The following PTPRD variants were observed in gnomAD, a reference collection of about 807,000 sequenced individuals.
PTPRD encodes receptor-type tyrosine-protein phosphatase delta.
A neutral mutation model predicts 214.5 loss-of-function variants in PTPRD; 34 were observed. The observed-to-expected ratio is 0.16, with a 90% CI of 0.12 to 0.21. PTPRD has a LOEUF of 0.21. Among genes scored for constraint, PTPRD ranks in the 10% least tolerant of loss-of-function variants. The pLI is 1.00. For synonymous variants in PTPRD, 1,128 were observed against 845.7 expected, an observed-to-expected ratio of 1.33 and a Z score of -5.79; for missense variants, 2,545 against 2,398.7, an observed-to-expected ratio of 1.06 and a Z score of -1.27.
At chr9:8,998,675 T>C (rs2099406324) in intron 11 of PTPRD, among the ~76,000 whole-genome samples, 1 of 152,068 alleles carries the variant, frequency 6.6e-6, no homozygotes, top group Non-Finnish European at 1.5e-5. Flanking sequence ...AATAAACACA[T>C]TTTATAAGGC....
At chr9:8,713,531 G>C in intron 12 of PTPRD, 1 of 1,252,374 alleles carries the variant, frequency 8.0e-7, no homozygotes, top group East Asian at 2.3e-5. Context: ...TCCCCGCTGC[G>C]GGTGAAGAAC....
chr9:9,404,365 T>C (rs933593025), intron 8 of PTPRD, among the ~76,000 whole-genome samples: 4 of 152,096 alleles, frequency 2.6e-5, no homozygotes, highest in African/African-American at 9.7e-5. Flanking sequence ...AAAGTGTAGC[T>C]GGAGATGGAG....
chr9:8,492,871 T>A lies in PTPRD; in HGVS notation c.2458A>T (p.Thr820Ser). ...ARSKPKLVST[T>S]GAVPGKPRLV... ...GCACAGACATGATTACCTGCCCCAGTGGTGGACACCAGTTTGGGCTTGCTG... is the reference window on the plus strand; with the variant it reads ...GCACAGACATGATTACCTGCCCCAGAGGTGGACACCAGTTTGGGCTTGCTG... The change falls in exon 27 of 46, where the codon ACT (threonine) becomes TCT (serine). Residue 820 changes from threonine to serine, a missense_variant. Transcript: ENST00000381196. 1 of 1,613,008 alleles carries A rather than the reference T, an allele frequency of 6.2e-7. No homozygotes were observed. Among genetic ancestry groups the A allele is most frequent in the East Asian group, 2.2e-5 (1 of 44,868 alleles).
intron 4 of PTPRD, among the ~76,000 whole-genome samples, chr9:9,987,908 A>G (rs142054552): frequency 0.011 from 1,622 of 152,290 alleles, 37 homozygotes; most frequent in African/African-American, 0.037. Context: ...ATTTACTATT[A>G]CAAGTAATAA....
intron 3 of PTPRD, among the ~76,000 whole-genome samples, chr9:10,229,822 T>C (rs962718007): frequency 6.6e-6 from 1 of 151,814 alleles, no homozygotes; most frequent in South Asian, 2.1e-4. Flanking sequence ...CTGCACGTTA[T>C]GCACATGTAC....
intron 11 of PTPRD, among the ~76,000 whole-genome samples, chr9:8,886,159 T>C (rs538041043): frequency 6.6e-6 from 1 of 152,324 alleles, no homozygotes; most frequent in South Asian, 2.1e-4. Flanking sequence ...GATTTGTTCA[T>C]AAGCCAGACA....
chr9:10,610,569 G>C (rs897721725), intron 2 of PTPRD, among the ~76,000 whole-genome samples: 3 of 151,748 alleles, frequency 2.0e-5, no homozygotes, highest in African/African-American at 7.3e-5. Flanking sequence ...AATGAGTAGA[G>C]GTTATGTGCT....
intron 11 of PTPRD, among the ~76,000 whole-genome samples, chr9:8,915,741 T>A (rs1339117872): frequency 6.6e-6 from 1 of 152,108 alleles, no homozygotes; most frequent in Non-Finnish European, 1.5e-5. Context: ...AGGAAAAAAT[T>A]TCCTCTTAGT....
At chr9:8,942,218 C>A (rs2099038466) in intron 11 of PTPRD, among the ~76,000 whole-genome samples, 1 of 151,870 alleles carries the variant, frequency 6.6e-6, no homozygotes, top group South Asian at 2.1e-4. Flanking sequence ...TTTTTTTGCC[C>A]CCCTGTCTAT....
rs576271656 is a variant in PTPRD, at chr9:9,717,123, C to T, written c.-287+17410G>A. Among the ~76,000 whole-genome samples, 139 of 152,138 alleles carry T rather than the reference C, an allele frequency of 9.1e-4. 1 individual carries two copies. Among genetic ancestry groups the T allele is most frequent in the Non-Finnish European group, 1.7e-3 (114 of 67,980 alleles). ...TAAATAGGGAATCCTTTCCCCATTG[C>T]TTGTTTTTGTCAGGTTTGTCAAAGA... On this transcript the variant is annotated intron_variant, in intron 7 of 45. Coordinates refer to ENST00000381196, the MANE Select transcript of PTPRD (RefSeq NM_002839.4).
chr9:9,623,002 G>A (rs557281860), intron 7 of PTPRD, among the ~76,000 whole-genome samples: 1 of 152,168 alleles, frequency 6.6e-6, no homozygotes, highest in Non-Finnish European at 1.5e-5. Flanking sequence ...TTGCTACCTT[G>A]TGTGGTAATA....
At chr9:10,273,524 C>G (rs967265083) in intron 3 of PTPRD, among the ~76,000 whole-genome samples, 2 of 151,940 alleles carry the variant, frequency 1.3e-5, no homozygotes, top group African/African-American at 4.8e-5. Context: ...AAGTCCAAGC[C>G]AAAAATTCTG....
chr9:8,843,114 C>G (rs552249987), intron 11 of PTPRD, among the ~76,000 whole-genome samples: 1 of 152,156 alleles, frequency 6.6e-6, no homozygotes, highest in Admixed American at 6.5e-5. Context: ...GTCACAATGG[C>G]TGAAGACAAA....
At chr9:9,367,943 A>G (rs2058341079) in intron 9 of PTPRD, among the ~76,000 whole-genome samples, 1 of 151,726 alleles carries the variant, frequency 6.6e-6, no homozygotes, top group South Asian at 2.1e-4. Context: ...TGAGTGCCCA[A>G]TAGGTCATAT....
Position 8,517,856 on chromosome 9 carries a change from T to A in PTPRD, c.1535A>T (p.Gln512Leu). The change falls in exon 21 of 46, where the codon CAG becomes CTG. Residue 512 changes from glutamine to leucine, a missense_variant. Gln to Leu is a moderately radical substitution (Grantham distance 113, BLOSUM62 -2). Transcript: ENST00000381196. ...TCCTCAACCAAACTTACCTCCTGTC[T>A]GAGTGATGACTTGTATGTCACTTGA... ...PLSSDIQVIT[Q>L]TGVPGQPLNF... 3 of 1,612,678 alleles carry A rather than the reference T, an allele frequency of 1.9e-6. No homozygotes were observed. The highest frequency in any genetic ancestry group is 2.5e-6 in the Non-Finnish European group (3 of 1,179,122).
chr9:8,338,901 T>C, intron 43 of PTPRD, 21 bp downstream of exon 43: 1 of 1,590,434 alleles, frequency 6.3e-7, no homozygotes, highest in Non-Finnish European at 8.6e-7. Flanking sequence ...TGGTTAAGAG[T>C]TGAAGACTGT....
chr9:9,370,091 C>T (rs751887444), intron 9 of PTPRD, among the ~76,000 whole-genome samples: 15 of 151,968 alleles, frequency 9.9e-5, no homozygotes, highest in African/African-American at 2.2e-4. Flanking sequence ...CTTGGCGATG[C>T]GGGCTCTTTT....
At chr9:9,114,225 C>G (rs76875458) in intron 10 of PTPRD, among the ~76,000 whole-genome samples, 1 of 152,088 alleles carries the variant, frequency 6.6e-6, no homozygotes, top group Non-Finnish European at 1.5e-5. Context: ...CAGGGTAGTT[C>G]GGGTGCAAAC....
At chr9:8,533,607 T>C (rs1010436960) in intron 14 of PTPRD, among the ~76,000 whole-genome samples, 4 of 151,984 alleles carry the variant, frequency 2.6e-5, no homozygotes, top group African/African-American at 9.7e-5. Flanking sequence ...ATTCATCCCC[T>C]GGAATTACTT....
Sources: gnomAD v4.1 joint callset for allele counts (sites outside exome capture counted in the v4.1 genomes callset) on GRCh38, gnomAD v4.1.1 for gene constraint, MANE v1.5 for transcripts, NCBI Gene and HGNC (gene_info 2026-07-23, HGNC 2026-07-21) for gene names.